GRIA1: variants seen among roughly 807,000 people sequenced by gnomAD.
GRIA1 encodes the protein glutamate ionotropic receptor AMPA type subunit 1.
A neutral mutation model predicts 99.2 loss-of-function variants in GRIA1; 31 were observed. The observed-to-expected ratio is 0.31, with a 90% CI of 0.23 to 0.42. The LOEUF (loss-of-function observed/expected upper bound fraction) is 0.42. GRIA1 is among the 10% of genes least tolerant of loss of function. GRIA1 has a pLI of 1.00. For synonymous variants in GRIA1, 438 were observed against 432.4 expected, an observed-to-expected ratio of 1.01 and a Z score of -0.16; for missense variants, 782 against 1,157.5, an observed-to-expected ratio of 0.68 and a Z score of 4.71.
chr5:153,652,229 C>T lies in GRIA1; in HGVS notation c.645+1715C>T, dbSNP rs1354457926. Among the ~76,000 whole-genome samples, 3 of 152,036 alleles carry T rather than the reference C, an allele frequency of 2.0e-5. No individual in the cohort carries two copies. In the East Asian group the frequency reaches 5.8e-4, roughly 29 times the overall value. ...CTGTTCTATAAAACTGATAAAAAGG[C>T]AAGATAACATAGTCGATGGAAAAAG... is the stretch of plus-strand genomic sequence containing the variant. On this transcript the variant is annotated intron_variant, in intron 4 of 15. Transcript: ENST00000285900.
At chr5:153,747,850 A>G (rs1275293793) in intron 11 of GRIA1, among the ~76,000 whole-genome samples, 1 of 152,216 alleles carries the variant, frequency 6.6e-6, no homozygotes, top group Non-Finnish European at 1.5e-5. Context: ...TCACTGCAGC[A>G]CAACTATCAG....
chr5:153,730,453 A>C (rs746123227), intron 11 of GRIA1, among the ~76,000 whole-genome samples: 11 of 152,144 alleles, frequency 7.2e-5, no homozygotes, highest in Non-Finnish European at 1.5e-5. Context: ...ATAGGTAGAC[A>C]TGAGAAAAGT....
At chr5:153,688,812 C>T (rs1240438409) in intron 8 of GRIA1, among the ~76,000 whole-genome samples, 3 of 151,936 alleles carry the variant, frequency 2.0e-5, no homozygotes, top group South Asian at 2.1e-4. Context: ...CTCCACCTCC[C>T]GGATTCAAGT....
At chr5:153,747,282 G>A (rs145785298) in intron 11 of GRIA1, among the ~76,000 whole-genome samples, 264 of 152,258 alleles carry the variant, frequency 1.7e-3, no homozygotes, top group Admixed American at 5.6e-3. Context: ...AGGAGGAAGT[G>A]CCAAGCTCGT....
At chr5:153,741,947 A>AG (rs1554122139) in intron 11 of GRIA1, among the ~76,000 whole-genome samples, 3 of 56,014 alleles carry the variant, frequency 5.4e-5, no homozygotes, top group African/African-American at 1.7e-4. Flanking sequence ...AAAAAAAAAA[A>AG]AAAGAAAAAG....
chr5:153,507,555 T>C (rs1755655668), intron 2 of GRIA1, among the ~76,000 whole-genome samples: 1 of 152,194 alleles, frequency 6.6e-6, no homozygotes, highest in Non-Finnish European at 1.5e-5. Flanking sequence ...GGGTGTCTGG[T>C]TTCAACTTCT....
At chr5:153,604,562 C>A (rs1285155273) in intron 2 of GRIA1, among the ~76,000 whole-genome samples, 2 of 152,142 alleles carry the variant, frequency 1.3e-5, no homozygotes, top group Admixed American at 6.5e-5. Flanking sequence ...TGTCAGCCCC[C>A]AGGAATGCTC....
At chr5:153,773,873 A>G (rs17115209) in intron 13 of GRIA1, among the ~76,000 whole-genome samples, 7,995 of 152,114 alleles carry the variant, frequency 0.053, 237 homozygotes, top group Middle Eastern at 0.13. Context: ...AAAACAAAAG[A>G]GTAACGCTCG....
At position 153,812,889 on chromosome 5, in the gene GRIA1, C is replaced by T. The variant is rs944271126; in HGVS notation, c.*1664C>T. The T allele has an allele frequency of 6.6e-6, 1 of 152,202 alleles. No homozygotes were observed. The highest frequency in any genetic ancestry group is 2.4e-5 in the African/African-American group (1 of 41,452). The allele number at this position is 152,202 out of a possible 1,614,324, so 9.4% of individuals were successfully genotyped here. On this transcript the variant is annotated 3_prime_UTR_variant, in exon 16 of 16. Transcript: ENST00000285900. ...TGTGTCATTAGCTTTTACTGATAAC[C>T]ATATTCTGGCTTGTTCCCTTACCCC...
At chr5:153,659,280 T>G (rs774933406) in intron 5 of GRIA1, among the ~76,000 whole-genome samples, 8 of 152,230 alleles carry the variant, frequency 5.3e-5, no homozygotes, top group Non-Finnish European at 4.4e-5. Flanking sequence ...TATATATGCT[T>G]GCATATATAT....
At chr5:153,680,956 AC>A (rs1345648474) in intron 7 of GRIA1, among the ~76,000 whole-genome samples, 2 of 152,242 alleles carry the variant, frequency 1.3e-5, no homozygotes, top group South Asian at 2.1e-4. Flanking sequence ...GAACAAGAGT[AC>A]CAGAACTCTC....
chr5:153,812,962 C>T lies in GRIA1; in HGVS notation c.*1737C>T, dbSNP rs575439810. On this transcript the variant is annotated 3_prime_UTR_variant, in exon 16 of 16. Transcript: ENST00000285900. ...GCTAGGGGTTATCATTAGCAATTGA[C>T]ATGCTAAAGGTTTTGGAGCCCACCT... is the stretch of plus-strand genomic sequence containing the variant. 6.6e-6 allele frequency: 1 copy of T among 152,324 alleles called. No individual in the cohort carries two copies. The highest frequency in any genetic ancestry group is 2.1e-4 in the South Asian group (1 of 4,818). The allele number at this position is 152,324 out of a possible 1,614,324, so 9.4% of individuals were successfully genotyped here.
intron 12 of GRIA1, among the ~76,000 whole-genome samples, chr5:153,766,806 G>A (rs1763548064): frequency 6.6e-6 from 1 of 152,192 alleles, no homozygotes. Context: ...TACCTAATGA[G>A]AGGCACAGCT....
At chr5:153,503,579 T>C (rs906602655) in intron 2 of GRIA1, among the ~76,000 whole-genome samples, 20 of 152,250 alleles carry the variant, frequency 1.3e-4, no homozygotes, top group African/African-American at 4.8e-4. Context: ...CATAAATGAA[T>C]CTATTTTATG....
chr5:153,509,840 T>G (rs752365027), intron 2 of GRIA1, among the ~76,000 whole-genome samples: 2 of 152,224 alleles, frequency 1.3e-5, no homozygotes, highest in African/African-American at 2.4e-5. Flanking sequence ...TATTATTGTT[T>G]GTTCAATTTA....
chr5:153,682,878 G>A (rs542655189), intron 7 of GRIA1, among the ~76,000 whole-genome samples: 14 of 152,150 alleles, frequency 9.2e-5, no homozygotes, highest in African/African-American at 2.2e-4. Context: ...ACATTAACCC[G>A]CATTCTCTCA....
intron 11 of GRIA1, among the ~76,000 whole-genome samples, chr5:153,745,148 TTTCTCACGTCTAGATTA>T (rs1396682173): frequency 6.6e-6 from 1 of 152,208 alleles, no homozygotes. Context: ...CCTCTAGATT[TTTCTCACGTCTAGATTA>T]TTCTCAACCT....
intron 11 of GRIA1, among the ~76,000 whole-genome samples, chr5:153,727,206 CAAT>C (rs1290448053): frequency 6.6e-6 from 1 of 152,162 alleles, no homozygotes; most frequent in African/African-American, 2.4e-5. Flanking sequence ...TAAAAACTAT[CAAT>C]AAATTAGGTA....
At chr5:153,633,001 G>T (rs1361031063) in intron 2 of GRIA1, among the ~76,000 whole-genome samples, 1 of 152,144 alleles carries the variant, frequency 6.6e-6, no homozygotes, top group African/African-American at 2.4e-5. Flanking sequence ...TTTTGAGAAG[G>T]ATATGCAAAA....
Sources: gnomAD v4.1 joint callset for allele counts (sites outside exome capture counted in the v4.1 genomes callset) on GRCh38, gnomAD v4.1.1 for gene constraint, MANE v1.5 for transcripts, NCBI Gene and HGNC (gene_info 2026-07-23, HGNC 2026-07-21) for gene names.